PPP1R9B: variants seen among roughly 807,000 people sequenced by gnomAD.
The protein encoded by PPP1R9B is neurabin-2.
A neutral mutation model predicts 75.8 loss-of-function variants in PPP1R9B; 17 were observed. The observed-to-expected ratio is 0.22, with a 90% CI of 0.15 to 0.34. The LOEUF is 0.34. Ranked by LOEUF, PPP1R9B falls within the 10% of genes least tolerant of loss-of-function variation. PPP1R9B has a pLI of 1.00. For synonymous variants in PPP1R9B, 509 were observed against 535.4 expected (o/e 0.95, Z 0.68); for missense variants, 875 against 1,196.0 (o/e 0.73, Z 3.96).
chr17:50,140,327 G>C, intron 4 of PPP1R9B, 99 bp from the exon 5 acceptor site: 3 of 1,440,028 alleles, frequency 2.1e-6, no homozygotes, highest in Non-Finnish European at 2.8e-6. Flanking sequence ...GGCCCTCCCA[G>C]GGGAGGAGAG....
chr17:50,143,377 C>T (rs551260051), intron 3 of PPP1R9B, among the ~76,000 whole-genome samples: 6 of 152,370 alleles, frequency 3.9e-5, no homozygotes, highest in South Asian at 2.1e-4. Flanking sequence ...GGAGAACACA[C>T]GCTCCTTCAG....
At chr17:50,145,329 G>A (rs1224423314) in intron 1 of PPP1R9B, 84 bp from the exon 2 acceptor site, 25 of 1,562,832 alleles carry the variant, frequency 1.6e-5, no homozygotes, top group Non-Finnish European at 2.2e-5. Flanking sequence ...GGCAGGCTGA[G>A]TTACCCACCC....
intron 7 of PPP1R9B, chr17:50,137,244 T>C (rs997833995): frequency 6.6e-6 from 1 of 152,492 alleles, no homozygotes; most frequent in Non-Finnish European, 1.5e-5. Flanking sequence ...TCCACCCGAA[T>C]CAGGTTCCTC....
At position 50,139,153 on chromosome 17, in the gene PPP1R9B, T is replaced by G; in HGVS notation, c.2073+110A>C. 8.2e-7 allele frequency: 1 copy of G among 1,215,742 alleles called. No homozygotes were observed. The highest frequency in any genetic ancestry group is 1.2e-5 in the South Asian group (1 of 82,198). 75.3% of individuals were successfully genotyped at this position (1,215,742 alleles called of 1,614,324 possible). A position where few individuals can be genotyped will look rare whatever the true frequency, so the allele number is the denominator to read the frequency against. On this transcript the variant is annotated intron_variant, in intron 7 of 9. Coordinates refer to ENST00000612501, the MANE Select transcript of PPP1R9B (RefSeq NM_032595.5). This position sits in a 1 kb window ranked among gnomAD's most constrained non-coding sequence, Gnocchi z 5.0. ...CATCTTGCTTTAGAGCAGCTTGTTC[T>G]GTGGGTACCTGTGCCTAAGTGTCAG...
At position 50,142,680 on chromosome 17, in the gene PPP1R9B, C is replaced by T. The variant is rs1236232434; in HGVS notation, c.1625+918G>A. On this transcript the variant is annotated intron_variant, in intron 3 of 9. Coordinates refer to ENST00000612501, the MANE Select transcript of PPP1R9B (RefSeq NM_032595.5). This position sits in a 1 kb window ranked among gnomAD's most constrained non-coding sequence, Gnocchi z 4.1. ...TAACTTACAGCCACCCTGGGGGATG[C>T]CCTACAGCCCTTCCTACTGCCACTC... Among the ~76,000 whole-genome samples the T allele has an allele frequency of 1.3e-5, 2 of 152,120 alleles. No homozygotes were observed. Among genetic ancestry groups the T allele is most frequent in the African/African-American group, 4.8e-5 (2 of 41,418 alleles).
chr17:50,145,729 G>C (rs1411146472), intron 1 of PPP1R9B, among the ~76,000 whole-genome samples: 1 of 151,996 alleles, frequency 6.6e-6, no homozygotes, highest in Non-Finnish European at 1.5e-5. Context: ...TGCCAGATGG[G>C]GAGAGAGGGG....
chr17:50,148,203 G>C (rs1367819083), intron 1 of PPP1R9B, among the ~76,000 whole-genome samples: 2 of 152,222 alleles, frequency 1.3e-5, no homozygotes, highest in Non-Finnish European at 2.9e-5. Context: ...TCAAAGCTCT[G>C]GCACAACCCA....
chr17:50,143,763 G>C, intron 2 of PPP1R9B, 45 bp from the exon 3 acceptor site: 4 of 1,608,268 alleles, frequency 2.5e-6, no homozygotes, highest in Non-Finnish European at 3.4e-6. Flanking sequence ...GTAGGGGACA[G>C]ACGAGAGACT....
intron 1 of PPP1R9B, among the ~76,000 whole-genome samples, chr17:50,148,731 A>T (rs546284256): frequency 6.3e-4 from 96 of 152,150 alleles, no homozygotes; most frequent in African/African-American, 1.8e-3. Context: ...CCCCCTCTCT[A>T]CCCAGTGAAG....
intron 7 of PPP1R9B, among the ~76,000 whole-genome samples, chr17:50,137,649 T>C (rs1470458361): frequency 6.6e-6 from 1 of 152,154 alleles, no homozygotes; most frequent in Non-Finnish European, 1.5e-5. Flanking sequence ...CCCACTTTCA[T>C]GCCCTCCCAC....
Position 50,149,069 on chromosome 17 carries a change from C to A in PPP1R9B, c.1371+74G>T. Reference sequence around the variant, plus strand: ...GACTCAGCCTGCCAAACCCGGCTGGCTGGCTGGCGAGCGGGGGCGGCCGCG... The same window carrying A: ...GACTCAGCCTGCCAAACCCGGCTGGATGGCTGGCGAGCGGGGGCGGCCGCG... On this transcript the variant is annotated intron_variant, in intron 1 of 9. Transcript: ENST00000612501. The surrounding 1 kb of genome is among the most constrained non-coding windows in gnomAD (Gnocchi z 7.2). 9.3e-7 allele frequency: 1 copy of A among 1,078,618 alleles called. No homozygotes were observed. Among genetic ancestry groups the A allele is most frequent in the South Asian group, 1.9e-5 (1 of 53,268 alleles). The allele number at this position is 1,078,618 out of a possible 1,614,324, so 66.8% of individuals were successfully genotyped here. A position where few individuals can be genotyped will look rare whatever the true frequency, so the allele number is the denominator to read the frequency against.
Position 50,149,796 on chromosome 17 carries a change from T to C in PPP1R9B, c.718A>G (p.Asn240Asp). Reference sequence around the variant, plus strand: ...GACCGCTTGCTGACCAGCTTCGAGTTGACCTGGGGAACCCCTGCGGCCCTG... The same window carrying C: ...GACCGCTTGCTGACCAGCTTCGAGTCGACCTGGGGAACCCCTGCGGCCCTG... ...LPRAAGVPQV[N>D]SKLVSKRSRV... is the part of the protein sequence containing the mutation. Residue 240 changes from asparagine (N) to aspartate (D), a missense_variant, in exon 1 of 10, where the codon AAC becomes GAC. By Grantham distance (23) the Asn-to-Asp change is conservative (BLOSUM62 1). Transcript: ENST00000612501. The surrounding 1 kb of genome is among the most constrained non-coding windows in gnomAD (Gnocchi z 7.2). 1 of 1,414,360 alleles carries C rather than the reference T, an allele frequency of 7.1e-7. No homozygotes were observed. Among genetic ancestry groups the C allele is most frequent in the Non-Finnish European group, 9.2e-7 (1 of 1,091,728 alleles). The allele number at this position is 1,414,360 out of a possible 1,614,324, so 87.6% of individuals were successfully genotyped here.
At position 50,142,231 on chromosome 17, in the gene PPP1R9B, A is replaced by G. The variant is rs1490395343; in HGVS notation, c.1626-858T>C. On this transcript the variant is annotated intron_variant, in intron 3 of 9. Coordinates refer to ENST00000612501, the MANE Select transcript of PPP1R9B (RefSeq NM_032595.5). This position sits in a 1 kb window ranked among gnomAD's most constrained non-coding sequence, Gnocchi z 4.1. ...ATGGAGGGTGGGGGGCCTCTCAGAC[A>G]CCTCCCTCCTCCACTCCACCTCCCT... Among the ~76,000 whole-genome samples the G allele has an allele frequency of 2.0e-5, 3 of 150,942 alleles. No homozygotes were observed. Among genetic ancestry groups the G allele is most frequent in the African/African-American group, 7.3e-5 (3 of 40,986 alleles).
At chr17:50,136,325 A>G (rs1269248533) in intron 7 of PPP1R9B, 128 bp from the exon 8 acceptor site, 12 of 717,698 alleles carry the variant, frequency 1.7e-5, no homozygotes, top group Middle Eastern at 3.6e-4. Context: ...CACCCCAACT[A>G]CTAACCCTCT....
Position 50,136,151 on chromosome 17 carries a change from G to GCCTTCTCCACCCGCCAGCGCC in PPP1R9B, c.2099_2119dup (p.Gly700_Lys706dup), listed in dbSNP as rs1470308518. On this transcript the variant is annotated inframe_insertion, in exon 8 of 10. Coordinates refer to ENST00000612501, the MANE Select transcript of PPP1R9B (RefSeq NM_032595.5). ...CTCCTCCACACTCTGCTCCAACTGCGCCTTCTCCACCCGCCAGCGCCCCTT... is the reference window on the plus strand; with the variant it reads ...CTCCTCCACACTCTGCTCCAACTGCGCCTTCTCCACCCGCCAGCGCCCCTTCTCCACCCGCCAGCGCCCCTT... 1.2e-6 allele frequency: 2 copies of GCCTTCTCCACCCGCCAGCGCC among 1,604,444 alleles called. No individual in the cohort carries two copies. Among genetic ancestry groups the GCCTTCTCCACCCGCCAGCGCC allele is most frequent in the South Asian group, 2.2e-5 (2 of 91,082 alleles).
At chr17:50,137,342 A>G (rs1434205651) in intron 7 of PPP1R9B, 1 of 152,460 alleles carries the variant, frequency 6.6e-6, no homozygotes, top group Non-Finnish European at 1.5e-5. Context: ...TTGCAGATGC[A>G]CAAGAACAAC....
chr17:50,140,379 T>C lies in PPP1R9B; in HGVS notation c.1731-151A>G, dbSNP rs558874994. Reference sequence around the variant, plus strand: ...CGAAGGCTGCAGTGTTAATAATGAATGGGGGAATGAGGGCCCTTATCAGGT... The same window carrying C: ...CGAAGGCTGCAGTGTTAATAATGAACGGGGGAATGAGGGCCCTTATCAGGT... On this transcript the variant is annotated intron_variant, in intron 4 of 9. Coordinates refer to ENST00000612501, the MANE Select transcript of PPP1R9B (RefSeq NM_032595.5). The C allele has an allele frequency of 2.7e-5, 27 of 1,005,414 alleles. 1 individual carries two copies. Among genetic ancestry groups the C allele is most frequent in the East Asian group, 1.3e-4 (5 of 37,780 alleles). 62.3% of individuals were successfully genotyped at this position (1,005,414 alleles called of 1,614,324 possible).
At chr17:50,144,784 A>G (rs1912472750) in intron 2 of PPP1R9B, among the ~76,000 whole-genome samples, 1 of 152,022 alleles carries the variant, frequency 6.6e-6, no homozygotes, top group Non-Finnish European at 1.5e-5. Flanking sequence ...TGCCTCCCCC[A>G]TCCATCTCCC....
In PPP1R9B at chr17:50,139,218, C is replaced by A. The variant is rs774050920; in HGVS notation, c.2073+45G>T. On this transcript the variant is annotated intron_variant, in intron 7 of 9. Coordinates refer to ENST00000612501, the MANE Select transcript of PPP1R9B (RefSeq NM_032595.5). This position sits in a 1 kb window ranked among gnomAD's most constrained non-coding sequence, Gnocchi z 5.0. ...AGGGTAGGGGGACCCTGCTCCTCAA[C>A]ACACACATGCACGCACGCAAAAGCA... 10 of 1,611,530 alleles carry A rather than the reference C, an allele frequency of 6.2e-6. No individual in the cohort carries two copies. Among genetic ancestry groups the A allele is most frequent in the Middle Eastern group, 1.7e-4 (1 of 6,058 alleles).
Sources: gnomAD v4.1 joint callset for allele counts (sites outside exome capture counted in the v4.1 genomes callset) on GRCh38, gnomAD v4.1.1 for gene constraint, Gnocchi (gnomAD v3.1) non-coding constraint, MANE v1.5 for transcripts, NCBI Gene and HGNC (gene_info 2026-07-23, HGNC 2026-07-21) for gene names.